The following NKAIN2 variants were observed in gnomAD, a reference collection of about 807,000 sequenced individuals.
NKAIN2 encodes the protein sodium/potassium transporting ATPase interacting 2.
NKAIN2 carries 14 observed loss-of-function variants against 32.6 expected under a neutral mutation model. That is an observed-to-expected ratio of 0.43 (90% CI 0.28 to 0.67). The LOEUF (loss-of-function observed/expected upper bound fraction) is 0.67, where lower values mean the gene tolerates loss of function less well. Ranked by LOEUF, NKAIN2 falls within the 30% of genes least tolerant of loss-of-function variation. The pLI is 0.17. For missense variants in NKAIN2, 198 were observed against 258.3 expected (o/e 0.77, Z 1.60); for synonymous variants, 80 against 87.2 (o/e 0.92, Z 0.46).
intron 1 of NKAIN2, among the ~76,000 whole-genome samples, chr6:124,031,073 TG>T (rs59218233): frequency 0.032 from 4,888 of 152,244 alleles, 262 homozygotes; most frequent in African/African-American, 0.11. Context: ...GTGATGTTAC[TG>T]GGTTTTTAAA....
intron 1 of NKAIN2, among the ~76,000 whole-genome samples, chr6:123,910,135 C>G (rs1775098566): frequency 6.6e-6 from 1 of 152,102 alleles, no homozygotes; most frequent in African/African-American, 2.4e-5. Flanking sequence ...TAGGCACTTC[C>G]ACTTCCCAGC....
chr6:123,831,248 C>T (rs566184804), intron 1 of NKAIN2, among the ~76,000 whole-genome samples: 1 of 151,792 alleles, frequency 6.6e-6, no homozygotes, highest in South Asian at 2.1e-4. Flanking sequence ...TTGGCAATTG[C>T]ATTTCCTAAC....
At chr6:124,344,832 A>C (rs13212830) in intron 2 of NKAIN2, among the ~76,000 whole-genome samples, 19 of 151,726 alleles carry the variant, frequency 1.3e-4, no homozygotes, top group African/African-American at 2.2e-4. Flanking sequence ...ATTTCCTTCT[A>C]CTGCCTGATT....
At chr6:124,445,427 G>A (rs1469393872) in intron 3 of NKAIN2, among the ~76,000 whole-genome samples, 1 of 151,868 alleles carries the variant, frequency 6.6e-6, no homozygotes. Flanking sequence ...TTGTATTGTT[G>A]TCTAAATTGC....
At chr6:123,888,705 C>G (rs1423861049) in intron 1 of NKAIN2, among the ~76,000 whole-genome samples, 1 of 152,046 alleles carries the variant, frequency 6.6e-6, no homozygotes, top group Admixed American at 6.6e-5. Context: ...GGTTTTAGTA[C>G]TACATTTCTA....
At chr6:124,492,888 T>C (rs547427248) in intron 3 of NKAIN2, among the ~76,000 whole-genome samples, 10 of 151,980 alleles carry the variant, frequency 6.6e-5, no homozygotes, top group African/African-American at 2.4e-4. Flanking sequence ...GTCTCTCTGG[T>C]TTTTTTGGAA....
At chr6:124,772,455 G>A (rs1217932338) in intron 4 of NKAIN2, among the ~76,000 whole-genome samples, 1 of 152,160 alleles carries the variant, frequency 6.6e-6, no homozygotes, top group Non-Finnish European at 1.5e-5. Flanking sequence ...TGCCGAGTGG[G>A]CAGCTGCACA....
intron 4 of NKAIN2, among the ~76,000 whole-genome samples, chr6:124,680,258 T>C (rs189294039): frequency 7.2e-5 from 11 of 152,276 alleles, no homozygotes; most frequent in African/African-American, 2.4e-4. Context: ...AAAGATTTAC[T>C]GCAGACCTCC....
At chr6:124,148,858 T>C (rs1787560580) in intron 1 of NKAIN2, among the ~76,000 whole-genome samples, 1 of 152,238 alleles carries the variant, frequency 6.6e-6, no homozygotes, top group Non-Finnish European at 1.5e-5. Context: ...CAACTGTGTT[T>C]AACAATTTGA....
chr6:124,173,669 A>G (rs1789010023), intron 1 of NKAIN2, among the ~76,000 whole-genome samples: 1 of 152,142 alleles, frequency 6.6e-6, no homozygotes, highest in South Asian at 2.1e-4. Context: ...ACTTTATGAT[A>G]CCTATATCAA....
chr6:124,722,982 A>T (rs905039399), intron 4 of NKAIN2, among the ~76,000 whole-genome samples: 1 of 152,194 alleles, frequency 6.6e-6, no homozygotes, highest in Non-Finnish European at 1.5e-5. Flanking sequence ...GAACATCTAG[A>T]TTCCTGAATC....
At chr6:124,595,882 G>A (rs954240567) in intron 3 of NKAIN2, among the ~76,000 whole-genome samples, 1 of 152,128 alleles carries the variant, frequency 6.6e-6, no homozygotes, top group African/African-American at 2.4e-5. Flanking sequence ...CAGTTGCCAG[G>A]GTTTGCAGCA....
Position 124,236,141 on chromosome 6 carries a change from G to T in NKAIN2, c.55-46864G>T, listed in dbSNP as rs138252100. 3.9e-3 allele frequency among the ~76,000 whole-genome samples: 597 copies of T among 152,086 alleles called. 4 individuals carry two copies. The highest frequency in any genetic ancestry group is 0.014 in the African/African-American group (572 of 41,472). On this transcript the variant is annotated intron_variant, in intron 1 of 6. Transcript: ENST00000368417. ...TTTAAGTGACTATCTGAGTGAATGG[G>T]TTAACTCTATTAAATCCATTTTTCT...
At chr6:124,391,750 G>A (rs560240485) in intron 3 of NKAIN2, among the ~76,000 whole-genome samples, 36 of 152,168 alleles carry the variant, frequency 2.4e-4, no homozygotes, top group Middle Eastern at 3.4e-3. Flanking sequence ...TGAAAAGACC[G>A]AGTCTATTTA....
chr6:124,002,595 G>A (rs1779924985), intron 1 of NKAIN2, among the ~76,000 whole-genome samples: 1 of 151,998 alleles, frequency 6.6e-6, no homozygotes, highest in African/African-American at 2.4e-5. Flanking sequence ...CATAGACTAT[G>A]ATCTCCACCT....
chr6:124,563,166 T>C (rs1309240520), intron 3 of NKAIN2, among the ~76,000 whole-genome samples: 1 of 151,966 alleles, frequency 6.6e-6, no homozygotes, highest in African/African-American at 2.4e-5. Context: ...GGCCTCCCAA[T>C]GTGCTGGGAT....
At chr6:124,168,062 A>C (rs1010040352) in intron 1 of NKAIN2, among the ~76,000 whole-genome samples, 1 of 152,216 alleles carries the variant, frequency 6.6e-6, no homozygotes, top group African/African-American at 2.4e-5. Flanking sequence ...TTGTCATTAC[A>C]TTTGAATCAT....
chr6:124,508,775 C>T (rs1302510982), intron 3 of NKAIN2, among the ~76,000 whole-genome samples: 1 of 152,172 alleles, frequency 6.6e-6, no homozygotes, highest in African/African-American at 2.4e-5. Flanking sequence ...CTGCTCCTGG[C>T]TTCTGGTTGT....
chr6:124,531,658 T>C (rs1286527833), intron 3 of NKAIN2, among the ~76,000 whole-genome samples: 2 of 152,106 alleles, frequency 1.3e-5, no homozygotes, highest in Non-Finnish European at 2.9e-5. Context: ...TTTGAAAGTT[T>C]TTAAGTCATT....
Sources: gnomAD v4.1 joint callset for allele counts (sites outside exome capture counted in the v4.1 genomes callset) on GRCh38, gnomAD v4.1.1 for gene constraint, MANE v1.5 for transcripts, NCBI Gene and HGNC (gene_info 2026-07-23, HGNC 2026-07-21) for gene names.